Variants in HNRNPUL2 observed in about 807,000 individuals in gnomAD.
HNRNPUL2 encodes the protein heterogeneous nuclear ribonucleoprotein U-like protein 2.
Under a neutral mutation model 102.2 loss-of-function variants are expected in HNRNPUL2, and 27 were observed. The ratio of observed to expected loss-of-function variants is 0.26; its 90% CI spans 0.19 to 0.36. The LOEUF (loss-of-function observed/expected upper bound fraction) is 0.36, where lower values mean the gene tolerates loss of function less well. HNRNPUL2 is among the 10% of genes least tolerant of loss of function. HNRNPUL2 has a pLI of 1.00. For synonymous variants in HNRNPUL2, 458 were observed against 387.2 expected (o/e 1.18, Z -2.15); for missense variants, 936 against 981.1 (o/e 0.95, Z 0.61).
chr11:62,727,321 C>T lies in HNRNPUL2; in HGVS notation c.-165G>A. Reference sequence around the variant, plus strand: ...GCAGGAGCGGAGGCCGCGCACGGTCCCGCTGCGCAGTGTTTGCTTCTCCTT... The same window carrying T: ...GCAGGAGCGGAGGCCGCGCACGGTCTCGCTGCGCAGTGTTTGCTTCTCCTT... On this transcript the variant is annotated 5_prime_UTR_variant, in exon 1 of 14. Transcript: ENST00000301785. The T allele has an allele frequency of 3.4e-6, 3 of 880,704 alleles. No individual in the cohort carries two copies. Among genetic ancestry groups the T allele is most frequent in the East Asian group, 3.8e-5 (1 of 26,244 alleles). The allele number at this position is 880,704 out of a possible 1,614,324, so 54.6% of individuals were successfully genotyped here. A position where few individuals can be genotyped will look rare whatever the true frequency, so the allele number is the denominator to read the frequency against.
Position 62,723,567 on chromosome 11 carries a change from G to T in HNRNPUL2, c.891+20C>A. On this transcript the variant is annotated intron_variant, in intron 4 of 13. Coordinates refer to ENST00000301785, the MANE Select transcript of HNRNPUL2 (RefSeq NM_001079559.3). ...TCCAGTAATAAATGAATGAATGAAT[G>T]AATGGTCTTAATGAGCTACCTTTGC... 6.3e-7 allele frequency: 1 copy of T among 1,579,496 alleles called. No individual in the cohort carries two copies. The highest frequency in any genetic ancestry group is 1.1e-5 in the South Asian group (1 of 87,266).
rs1485034613 is a variant in HNRNPUL2 at position 62,720,328 on chromosome 11, CTCAGG to C, written c.1612-142_1612-138del. ...TGGGAGGCCGAGGTGGGCAGATCAT[CTCAGG>C]TCAGGAGTTCAAGACCAGCCTGGCC... On this transcript the variant is annotated intron_variant, in intron 9 of 13. Transcript: ENST00000301785. 8 of 723,490 alleles carry C rather than the reference CTCAGG, an allele frequency of 1.1e-5. No homozygotes were observed. In the African/African-American group the frequency reaches 1.4e-4, roughly 13 times the overall value. 44.8% of individuals were successfully genotyped at this position (723,490 alleles called of 1,614,324 possible).
chr11:62,721,180 A>G, intron 9 of HNRNPUL2, 115 bp downstream of exon 9: 1 of 983,842 alleles, frequency 1.0e-6, no homozygotes, highest in South Asian at 1.6e-5. Flanking sequence ...AAACATTGCA[A>G]CCATAACACA....
rs2134774575 is a variant in HNRNPUL2 at position 62,720,033 on chromosome 11, C to T, written c.1770G>A (p.Leu590=). The change falls in exon 10 of 14, where the codon CTG becomes CTA. Residue 590 remains leucine, a synonymous_variant. Coordinates refer to ENST00000301785, the MANE Select transcript of HNRNPUL2 (RefSeq NM_001079559.3). ...EGDDVPESIM[L]EMKANFSLPE... is the part of the protein sequence containing the mutation. The stretch of plus-strand genomic sequence containing the variant: ...GACTAAGACACCCACCTTTCATCTC[C>T]AGCATTATAGATTCAGGCACATCAT... 2 of 1,613,974 alleles carry T rather than the reference C, an allele frequency of 1.2e-6. No homozygotes were observed. Among genetic ancestry groups the T allele is most frequent in the South Asian group, 1.1e-5 (1 of 91,066 alleles).
At chr11:62,717,820 T>C (rs1640228175) in intron 10 of HNRNPUL2, among the ~76,000 whole-genome samples, 1 of 152,172 alleles carries the variant, frequency 6.6e-6, no homozygotes, top group Non-Finnish European at 1.5e-5. Flanking sequence ...GACCCAAGCC[T>C]AAAGGCATCT....
At position 62,720,136 on chromosome 11, in the gene HNRNPUL2, G is replaced by C. The variant is rs1565161219; in HGVS notation, c.1667C>G (p.Ser556Cys). 1 of 1,614,092 alleles carries C rather than the reference G, an allele frequency of 6.2e-7. No individual in the cohort carries two copies. Among genetic ancestry groups the C allele is most frequent in the Non-Finnish European group, 8.5e-7 (1 of 1,179,976 alleles). Residue 556 changes from serine to cysteine, a missense_variant, in exon 10 of 14, where the codon TCT (serine) becomes TGT (cysteine). Transcript: ENST00000301785. ...RRKLLLFKTF[S>C]RKVVVVVPNE... is the part of the protein sequence containing the mutation. Reference sequence around the variant, plus strand: ...AGGGACAACCACCACCACTTTCCGAGAGAAGGTCTTGAACAGCAATAGCTT... The same window carrying C: ...AGGGACAACCACCACCACTTTCCGACAGAAGGTCTTGAACAGCAATAGCTT...
Position 62,721,286 on chromosome 11 carries a change from G to A in HNRNPUL2, c.1611+9C>T, listed in dbSNP as rs771881466. ...ACCTTGACTCTAGGCAATTTTATCA[G>A]ATTAATACCTGATCAAGAATAAAGT... On this transcript the variant is annotated intron_variant, in intron 9 of 13. Transcript: ENST00000301785. The A allele has an allele frequency of 6.2e-7, 1 of 1,605,126 alleles. No homozygotes were observed. The highest frequency in any genetic ancestry group is 8.5e-7 in the Non-Finnish European group (1 of 1,177,348).
In HNRNPUL2 at chr11:62,726,681, T is replaced by A. The variant is rs1390436078; in HGVS notation, c.476A>T (p.Glu159Val). 1 of 1,599,936 alleles carries A rather than the reference T, an allele frequency of 6.3e-7. No homozygotes were observed. The highest frequency in any genetic ancestry group is 8.5e-7 in the Non-Finnish European group (1 of 1,179,422). Residue 159 changes from glutamate to valine, a missense_variant, in exon 1 of 14, where the codon GAG (glutamate) becomes GTG (valine). By Grantham distance (121) the Glu-to-Val change is moderately radical. Coordinates refer to ENST00000301785, the MANE Select transcript of HNRNPUL2 (RefSeq NM_001079559.3). ...TCCCGGCGTCTCGTCCCCGCTCCGC[T>A]CCTCGGGTTCGTCTTCCTCCCTCTT... The part of the protein sequence containing the change: ...LGKREEDEPE[E>V]RSGDETPGSE...
In HNRNPUL2 at chr11:62,727,332, T is replaced by A; in HGVS notation, c.-176A>T. The A allele has an allele frequency of 2.6e-6, 2 of 771,518 alleles. No homozygotes were observed. Among genetic ancestry groups the A allele is most frequent in the Non-Finnish European group, 3.5e-6 (2 of 578,446 alleles). 47.8% of individuals were successfully genotyped at this position (771,518 alleles called of 1,614,324 possible). On this transcript the variant is annotated 5_prime_UTR_variant, in exon 1 of 14. Coordinates refer to ENST00000301785, the MANE Select transcript of HNRNPUL2 (RefSeq NM_001079559.3). ...GGCCGCGCACGGTCCCGCTGCGCAG[T>A]GTTTGCTTCTCCTTCGTCTCCCCTC... is the stretch of plus-strand genomic sequence containing the variant.
In HNRNPUL2 at chr11:62,715,866, C is replaced by T. The variant is rs755534411; in HGVS notation, c.2053G>A (p.Gly685Arg). 1 of 1,613,784 alleles carries T rather than the reference C, an allele frequency of 6.2e-7. No homozygotes were observed. The highest frequency in any genetic ancestry group is 1.1e-5 in the South Asian group (1 of 91,072). ...AGCAGAAGGAGAGCTGCACTCACCC[C>T]TCTGTTTCCAGGCTGCCCCCAGTAC... ...QQYWGQPGNR[G>R]GYRNFYDRYR... The change falls in exon 12 of 14, where the codon GGG becomes AGG. Residue 685 changes from glycine to arginine, a missense_variant and splice_region_variant. By Grantham distance (125) the Gly-to-Arg change is moderately radical. Around this residue, in one of 2 missense-constraint regions of HNRNPUL2, gnomAD observed 609 missense variants for 713.0 expected, o/e 0.85. Transcript: ENST00000301785.
chr11:62,718,280 T>C (rs2083675056), intron 10 of HNRNPUL2, among the ~76,000 whole-genome samples: 1 of 152,178 alleles, frequency 6.6e-6, no homozygotes, highest in Non-Finnish European at 1.5e-5. Flanking sequence ...CTCTCTGTCT[T>C]ATGTATTGCA....
At chr11:62,719,019 G>T (rs1341876156) in intron 10 of HNRNPUL2, among the ~76,000 whole-genome samples, 1 of 151,748 alleles carries the variant, frequency 6.6e-6, no homozygotes, top group East Asian at 1.9e-4. Flanking sequence ...GTAGAGACAG[G>T]GTTTCACCAT....
In HNRNPUL2 at chr11:62,726,752, C is replaced by A; in HGVS notation, c.405G>T (p.Thr135=). The A allele has an allele frequency of 6.2e-7, 1 of 1,601,072 alleles. No individual in the cohort carries two copies. Among genetic ancestry groups the A allele is most frequent in the South Asian group, 1.1e-5 (1 of 91,026 alleles). The change falls in exon 1 of 14, where the codon ACG becomes ACT. Residue 135 remains threonine, a synonymous_variant. Coordinates refer to ENST00000301785, the MANE Select transcript of HNRNPUL2 (RefSeq NM_001079559.3). ...PDASEKPAEA[T]AGSGGVNGGE... Reference sequence around the variant, plus strand: ...CACCATTTACCCCGCCTGACCCGGCCGTGGCCTCCGCCGGCTTCTCGGAAG... The same window carrying A: ...CACCATTTACCCCGCCTGACCCGGCAGTGGCCTCCGCCGGCTTCTCGGAAG...
At position 62,722,264 on chromosome 11, in the gene HNRNPUL2, G is replaced by T; in HGVS notation, c.1212C>A (p.Leu404=). The T allele has an allele frequency of 6.2e-7, 1 of 1,614,160 alleles. No homozygotes were observed. The highest frequency in any genetic ancestry group is 8.5e-7 in the Non-Finnish European group (1 of 1,180,040). Residue 404 remains leucine (L), a synonymous_variant, in exon 7 of 14, where the codon CTC becomes CTA. Transcript: ENST00000301785. ...LADRALLPHV[L]CKNCVVELNF... Reference sequence around the variant, plus strand: ...TTAATTCTACAACACAATTTTTGCAGAGGACATGGGGTAGAAGGGCCCGGT... The same window carrying T: ...TTAATTCTACAACACAATTTTTGCATAGGACATGGGGTAGAAGGGCCCGGT...
intron 4 of HNRNPUL2, among the ~76,000 whole-genome samples, chr11:62,723,227 C>T (rs1164603666): frequency 6.6e-6 from 1 of 152,232 alleles, no homozygotes; most frequent in Non-Finnish European, 1.5e-5. Flanking sequence ...TGCGGTAGCT[C>T]ATGCCTGTAA....
chr11:62,719,970 A>G, intron 10 of HNRNPUL2, 53 bp downstream of exon 10: 2 of 1,516,854 alleles, frequency 1.3e-6, no homozygotes, highest in Admixed American at 3.4e-5. Flanking sequence ...CTTACAAATT[A>G]TGAAGTCTAT....
chr11:62,715,899 C>A lies in HNRNPUL2; in HGVS notation c.2020G>T (p.Gly674Trp), dbSNP rs1019810748. 1 of 1,612,768 alleles carries A rather than the reference C, an allele frequency of 6.2e-7. No individual in the cohort carries two copies. The highest frequency in any genetic ancestry group is 8.5e-7 in the Non-Finnish European group (1 of 1,179,496). ...QRRGYDNRAY[G>W]QQYWGQPGNR... ...CCAGGCTGCCCCCAGTACTGCTGCC[C>A]GTAGGCCCGGTTGTCGTAGCCTCGG... The change falls in exon 12 of 14, where the codon GGG becomes TGG. Residue 674 changes from glycine (G) to tryptophan (W), a missense_variant. Gly to Trp is a radical substitution (Grantham distance 184, BLOSUM62 -2). Transcript: ENST00000301785.
rs1590902907 is a variant in HNRNPUL2, at chr11:62,726,718, G to C, written c.439C>G (p.Gln147Glu). 1 of 1,600,852 alleles carries C rather than the reference G, an allele frequency of 6.2e-7. No homozygotes were observed. The highest frequency in any genetic ancestry group is 2.2e-5 in the East Asian group (1 of 44,840). Residue 147 changes from glutamine to glutamate, a missense_variant, in exon 1 of 14, where the codon CAG (glutamine) becomes GAG (glutamate). Around this residue, in one of 2 missense-constraint regions of HNRNPUL2, gnomAD observed 327 missense variants for 268.1 expected, o/e 1.22. Coordinates refer to ENST00000301785, the MANE Select transcript of HNRNPUL2 (RefSeq NM_001079559.3). ...GSGGVNGGEE[Q>E]GLGKREEDEP... ...TCTTCCTCCCTCTTGCCGAGGCCCTGCTCTTCGCCACCATTTACCCCGCCT... is the reference window on the plus strand; with the variant it reads ...TCTTCCTCCCTCTTGCCGAGGCCCTCCTCTTCGCCACCATTTACCCCGCCT...
intron 10 of HNRNPUL2, among the ~76,000 whole-genome samples, chr11:62,718,976 C>G (rs1357238394): frequency 6.6e-6 from 1 of 151,978 alleles, no homozygotes; most frequent in Non-Finnish European, 1.5e-5. Context: ...AAGCGCCCAC[C>G]ACCATGCCCG....
Sources: gnomAD v4.1 joint callset for allele counts (sites outside exome capture counted in the v4.1 genomes callset) on GRCh38, gnomAD v4.1.1 for gene constraint, gnomAD v4.1.1 regional missense constraint, MANE v1.5 for transcripts, NCBI Gene and HGNC (gene_info 2026-07-23, HGNC 2026-07-21) for gene names.